Variants in PRKAG2 observed in about 807,000 individuals in gnomAD.
The protein encoded by PRKAG2 is 5'-AMP-activated protein kinase subunit gamma-2.
A neutral mutation model predicts 69.6 loss-of-function variants in PRKAG2; 26 were observed. That is an observed-to-expected ratio of 0.37 (90% CI 0.27 to 0.52). PRKAG2 has a LOEUF of 0.52. PRKAG2 is among the 20% of genes least tolerant of loss of function. PRKAG2 has a pLI of 0.90. For synonymous variants in PRKAG2, 293 were observed against 285.0 expected (o/e 1.03, Z -0.28); for missense variants, 557 against 740.0 (o/e 0.75, Z 2.87).
intron 4 of PRKAG2, among the ~76,000 whole-genome samples, chr7:151,667,240 C>T (rs561272596): frequency 5.3e-5 from 8 of 152,348 alleles, no homozygotes; most frequent in African/African-American, 1.9e-4. Context: ...GCCTTCCCTT[C>T]TCCCACAGGT....
intron 5 of PRKAG2, among the ~76,000 whole-genome samples, chr7:151,617,619 G>GT (rs553733760): frequency 1.2e-3 from 176 of 151,996 alleles, no homozygotes; most frequent in Admixed American, 2.3e-3. Context: ...GCATTGTTGA[G>GT]TTTTTTTAAA....
rs1462421875 is a variant in PRKAG2, at chr7:151,714,954, A to C, written c.467-39317T>G. On this transcript the variant is annotated intron_variant, in intron 3 of 15. Transcript: ENST00000287878. ...AACAGAGCGAGACTCCATCTCAAAA[A>C]AATAATAAATAAGAAAAAATAAATA... Among the ~76,000 whole-genome samples, 4 of 151,654 alleles carry C rather than the reference A, an allele frequency of 2.6e-5. No homozygotes were observed. In the East Asian group the frequency reaches 7.8e-4, roughly 30 times the overall value.
chr7:151,678,705 T>C (rs1304815954), intron 3 of PRKAG2, among the ~76,000 whole-genome samples: 1 of 152,214 alleles, frequency 6.6e-6, no homozygotes, highest in East Asian at 1.9e-4. Flanking sequence ...ATGCCTATAA[T>C]CTCAGCATTT....
At chr7:151,589,987 G>A (rs1231225748) in intron 6 of PRKAG2, among the ~76,000 whole-genome samples, 4 of 152,210 alleles carry the variant, frequency 2.6e-5, no homozygotes, top group Non-Finnish European at 5.9e-5. Flanking sequence ...TGGTTCCCAG[G>A]AACAGAGGAC....
Position 151,870,434 on chromosome 7 carries a change from T to C in PRKAG2, c.114+6073A>G, listed in dbSNP as rs73728437. Among the ~76,000 whole-genome samples, 1,204 of 152,338 alleles carry C rather than the reference T, an allele frequency of 7.9e-3. 20 individuals carry two copies. The highest frequency in any genetic ancestry group is 0.028 in the African/African-American group (1,147 of 41,556). On this transcript the variant is annotated intron_variant, in intron 1 of 15. Transcript: ENST00000287878. ...GGGAGCTTCTACATAAGCTAGTCCATGAACCACACTTTGTTAAACATTGCC... is the reference window on the plus strand; with the variant it reads ...GGGAGCTTCTACATAAGCTAGTCCACGAACCACACTTTGTTAAACATTGCC...
rs936779110 is a variant in PRKAG2, at chr7:151,756,686, C to T, written c.466+24466G>A. Among the ~76,000 whole-genome samples, 1 of 152,150 alleles carries T rather than the reference C, an allele frequency of 6.6e-6. No homozygotes were observed. The highest frequency in any genetic ancestry group is 6.5e-5 in the Admixed American group (1 of 15,276). On this transcript the variant is annotated intron_variant, in intron 3 of 15. Transcript: ENST00000287878. This position sits in a 1 kb window ranked among gnomAD's most constrained non-coding sequence, Gnocchi z 4.9. ...CCTGGTTCCAGCCCCGCCAGGGCTC[C>T]CAGCGCCGCCCTCTTCCCTTCTCCC... is the stretch of plus-strand genomic sequence containing the variant.
intron 5 of PRKAG2, chr7:151,631,738 G>C (rs904794542): frequency 1.1e-4 from 51 of 466,488 alleles, no homozygotes; most frequent in Non-Finnish European, 1.9e-4. Flanking sequence ...ATGGTGACAA[G>C]CACAAACAAT....
At chr7:151,856,675 C>T (rs980840060) in intron 1 of PRKAG2, among the ~76,000 whole-genome samples, 3 of 152,180 alleles carry the variant, frequency 2.0e-5, no homozygotes, top group African/African-American at 4.8e-5. Context: ...GCACCCACAC[C>T]GAATATAACT....
chr7:151,739,575 T>G (rs1402393318), intron 3 of PRKAG2, among the ~76,000 whole-genome samples: 1 of 152,014 alleles, frequency 6.6e-6, no homozygotes, highest in Admixed American at 6.6e-5. Context: ...GCTCAAATGA[T>G]CCTCCCACCT....
At chr7:151,760,936 G>T (rs902116255) in intron 3 of PRKAG2, among the ~76,000 whole-genome samples, 1 of 152,128 alleles carries the variant, frequency 6.6e-6, no homozygotes, top group Non-Finnish European at 1.5e-5. Context: ...TTCGTGGCAT[G>T]AACAGAAAAA....
chr7:151,715,336 A>AG, intron 3 of PRKAG2, among the ~76,000 whole-genome samples: 1 of 147,940 alleles, frequency 6.8e-6, no homozygotes, highest in African/African-American at 2.5e-5. Flanking sequence ...AAAAAAAAAA[A>AG]AAAAAAAAAA....
chr7:151,870,174 C>T (rs1440253372), intron 1 of PRKAG2, among the ~76,000 whole-genome samples: 36 of 150,634 alleles, frequency 2.4e-4, no homozygotes, highest in East Asian at 7.8e-4. Flanking sequence ...GGCAGGCAGG[C>T]AGGCAGGCAG....
At chr7:151,654,661 A>C (rs747541702) in intron 4 of PRKAG2, among the ~76,000 whole-genome samples, 10 of 152,158 alleles carry the variant, frequency 6.6e-5, no homozygotes, top group Non-Finnish European at 7.3e-5. Context: ...AAAGTAGAGG[A>C]GGAGGAGAAA....
intron 1 of PRKAG2, among the ~76,000 whole-genome samples, chr7:151,803,659 T>C (rs1281172177): frequency 6.6e-6 from 1 of 152,058 alleles, no homozygotes; most frequent in Non-Finnish European, 1.5e-5. Flanking sequence ...ATAAATTGTA[T>C]CTCTGTATAG....
chr7:151,576,781 G>A (rs928735628), intron 6 of PRKAG2, among the ~76,000 whole-genome samples: 4 of 152,260 alleles, frequency 2.6e-5, no homozygotes, highest in Admixed American at 6.5e-5. Context: ...GATTACAGGC[G>A]TGAGCCACCG....
chr7:151,843,098 A>G (rs976253942), intron 1 of PRKAG2, among the ~76,000 whole-genome samples: 2 of 152,006 alleles, frequency 1.3e-5, no homozygotes, highest in African/African-American at 4.8e-5. Context: ...CAGTGTCTAT[A>G]TATCTATGTG....
At chr7:151,598,662 A>C (rs369759371) in intron 5 of PRKAG2, among the ~76,000 whole-genome samples, 18 of 152,210 alleles carry the variant, frequency 1.2e-4, no homozygotes, top group African/African-American at 4.3e-4. Flanking sequence ...ATTTGTATCT[A>C]CTAACTCATT....
intron 4 of PRKAG2, among the ~76,000 whole-genome samples, chr7:151,669,207 T>C (rs969723007): frequency 1.1e-4 from 17 of 152,320 alleles, no homozygotes; most frequent in Admixed American, 5.9e-4. Context: ...TCACCTCCAT[T>C]CTTCTAGCTA....
chr7:151,612,473 G>T (rs967253735), intron 5 of PRKAG2, among the ~76,000 whole-genome samples: 12 of 152,186 alleles, frequency 7.9e-5, no homozygotes, highest in Non-Finnish European at 1.2e-4. Flanking sequence ...GAGGCCCCAA[G>T]CACAGAGCCC....
Sources: gnomAD v4.1 joint callset for allele counts (sites outside exome capture counted in the v4.1 genomes callset) on GRCh38, gnomAD v4.1.1 for gene constraint, Gnocchi (gnomAD v3.1) non-coding constraint, MANE v1.5 for transcripts, NCBI Gene and HGNC (gene_info 2026-07-23, HGNC 2026-07-21) for gene names.